ZSCAN4: variants seen among roughly 807,000 people sequenced by gnomAD.
ZSCAN4 encodes the protein zinc finger and SCAN domain-containing protein 4.
Under a neutral mutation model 18.3 loss-of-function variants are expected in ZSCAN4, and 18 were observed. The ratio of observed to expected loss-of-function variants is 0.98; its 90% CI spans 0.68 to 1.46. ZSCAN4 has a LOEUF of 1.46. Ranked by LOEUF, ZSCAN4 falls within the 40% of genes most tolerant of loss-of-function variation. The pLI is 0.00. For synonymous variants in ZSCAN4, 193 were observed against 180.3 expected, an observed-to-expected ratio of 1.07 and a Z score of -0.57; for missense variants, 498 against 511.4, an observed-to-expected ratio of 0.97 and a Z score of 0.25.
At position 57,678,405 on chromosome 19, in the gene ZSCAN4, A is replaced by G. The variant is rs762884658; in HGVS notation, c.802A>G (p.Met268Val). 53 of 1,614,034 alleles carry G rather than the reference A, an allele frequency of 3.3e-5. No individual in the cohort carries two copies. The highest frequency in any genetic ancestry group is 6.7e-5 in the East Asian group (3 of 44,878). ...TGGAATCACTTTCCAAGGTGTCCCT[A>G]TGGTGATGGGAGCAGGGTGTATCTC... The change falls in exon 5 of 5, where the codon ATG becomes GTG. Residue 268 changes from methionine (M) to valine (V), a missense_variant. Met to Val is a conservative substitution (Grantham distance 21). Coordinates refer to ENST00000318203, the Ensembl canonical transcript of ZSCAN4.
At chr19:57,671,878 A>G (rs1200456126) in intron 2 of ZSCAN4, among the ~76,000 whole-genome samples, 1 of 152,242 alleles carries the variant, frequency 6.6e-6, no homozygotes, top group Non-Finnish European at 1.5e-5. Flanking sequence ...ACATTAACTA[A>G]CAGAAATCAG....
upstream of ZSCAN4, among the ~76,000 whole-genome samples, chr19:57,666,077 G>A (rs1242869243): frequency 1.3e-5 from 2 of 152,152 alleles, no homozygotes; most frequent in African/African-American, 2.4e-5. Context: ...TATTTAAAAG[G>A]AAATTGGGTA....
the ZSCAN4 span, among the ~76,000 whole-genome samples, chr19:57,663,183 G>A: frequency 6.6e-6 from 1 of 151,550 alleles, no homozygotes; most frequent in Non-Finnish European, 1.5e-5. Context: ...GATTACAGGT[G>A]TGAGCCACCG....
chr19:57,675,102 G>A (rs1215533931), intron 2 of ZSCAN4, among the ~76,000 whole-genome samples: 1 of 145,830 alleles, frequency 6.9e-6, no homozygotes, highest in African/African-American at 2.6e-5. Flanking sequence ...TTACAGGCAC[G>A]TGCCACCATA....
At chr19:57,659,848 AT>A in the ZSCAN4 span, among the ~76,000 whole-genome samples, 3 of 151,654 alleles carry the variant, frequency 2.0e-5, no homozygotes, top group South Asian at 6.2e-4. Flanking sequence ...TTACTTTTTC[AT>A]TTTTTCCTAC....
At chr19:57,678,015 A>T in exon 4 of ZSCAN4, 1 of 1,602,416 alleles carries the variant, frequency 6.2e-7, no homozygotes. Flanking sequence ...CCCAAACCAC[A>T]AGAGAAGCAA....
chr19:57,663,339 C>A, the ZSCAN4 span, among the ~76,000 whole-genome samples: 1 of 151,688 alleles, frequency 6.6e-6, no homozygotes, highest in African/African-American at 2.4e-5. Context: ...TGTACACATA[C>A]ACACACATTT....
intron 2 of ZSCAN4, among the ~76,000 whole-genome samples, chr19:57,671,092 C>G (rs1984008723): frequency 6.6e-6 from 1 of 152,036 alleles, no homozygotes; most frequent in Non-Finnish European, 1.5e-5. Context: ...AAACTCCTGG[C>G]CTCCAGTGAT....
At chr19:57,654,570 A>G in the ZSCAN4 span, among the ~76,000 whole-genome samples, 2 of 152,120 alleles carry the variant, frequency 1.3e-5, no homozygotes, top group African/African-American at 4.8e-5. Context: ...AAATCTCTCC[A>G]CAACACCCCT....
chr19:57,659,252 A>G, the ZSCAN4 span, among the ~76,000 whole-genome samples: 3 of 152,180 alleles, frequency 2.0e-5, no homozygotes, highest in East Asian at 5.8e-4. Flanking sequence ...CAGCCGAATA[A>G]CATGGGTGCT....
upstream of ZSCAN4, chr19:57,664,451 G>C (rs1032286340): frequency 6.6e-6 from 1 of 152,322 alleles, no homozygotes; most frequent in Non-Finnish European, 1.5e-5. Flanking sequence ...CCGCCCCGCA[G>C]CACCCGGGGC....
At chr19:57,654,533 C>A in the ZSCAN4 span, among the ~76,000 whole-genome samples, 1 of 152,174 alleles carries the variant, frequency 6.6e-6, no homozygotes, top group Non-Finnish European at 1.5e-5. Context: ...TTGGAAATTC[C>A]TGCAAGCCCA....
exon 5 of ZSCAN4, chr19:57,679,085 C>T (rs754331469): frequency 1.3e-5 from 8 of 595,774 alleles, no homozygotes; most frequent in Non-Finnish European, 2.0e-5. Context: ...TAAAGTATTC[C>T]AAGTGGTTGG....
chr19:57,663,473 C>T, the ZSCAN4 span, among the ~76,000 whole-genome samples: 1 of 126,898 alleles, frequency 7.9e-6, no homozygotes. Flanking sequence ...ATCACTTGAG[C>T]CTAGGAGTTC....
chr19:57,666,306 T>C (rs191326061), upstream of ZSCAN4, among the ~76,000 whole-genome samples: 82 of 152,190 alleles, frequency 5.4e-4, 1 homozygote, highest in Non-Finnish European at 8.4e-4. Flanking sequence ...ACTGGAAGCA[T>C]TGGATAAGCT....
chr19:57,676,310 T>A, exon 3 of ZSCAN4: 1 of 1,614,186 alleles, frequency 6.2e-7, no homozygotes, highest in Non-Finnish European at 8.5e-7. Context: ...ACAGCAATAA[T>A]TCATATGCAA....
chr19:57,673,039 T>C (rs945289165), intron 2 of ZSCAN4, among the ~76,000 whole-genome samples: 1 of 152,048 alleles, frequency 6.6e-6, no homozygotes, highest in African/African-American at 2.4e-5. Context: ...TGACATTTAA[T>C]TAATTAATTT....
At chr19:57,678,359 A>G in exon 5 of ZSCAN4, 1 of 1,614,166 alleles carries the variant, frequency 6.2e-7, no homozygotes, top group Non-Finnish European at 8.5e-7. Context: ...TCACTGCTAG[A>G]TCTCAGGAAG....
At chr19:57,665,259 G>A (rs898959824), upstream of ZSCAN4, among the ~76,000 whole-genome samples, 6 of 152,178 alleles carry the variant, frequency 3.9e-5, no homozygotes, top group African/African-American at 1.4e-4. Context: ...AGCTGCCACT[G>A]TGCTGCTAGG....
Sources: gnomAD v4.1 joint callset for allele counts (sites outside exome capture counted in the v4.1 genomes callset) on GRCh38, gnomAD v4.1.1 for gene constraint, MANE v1.5 for transcripts, NCBI Gene and HGNC (gene_info 2026-07-23, HGNC 2026-07-21) for gene names.